The following LDLRAD4 variants were observed in gnomAD, a reference collection of about 807,000 sequenced individuals.
The protein encoded by LDLRAD4 is low density lipoprotein receptor class A domain containing 4.
LDLRAD4 carries 5 observed loss-of-function variants against 17.0 expected under a neutral mutation model. The observed-to-expected ratio is 0.29, with a 90% CI of 0.15 to 0.62. The LOEUF (loss-of-function observed/expected upper bound fraction) is 0.62. Ranked by LOEUF, LDLRAD4 falls within the 20% of genes least tolerant of loss-of-function variation. LDLRAD4 has a pLI of 0.84. For synonymous variants in LDLRAD4, 168 were observed against 171.8 expected (o/e 0.98, Z 0.17); for missense variants, 340 against 424.7 (o/e 0.80, Z 1.75).
At chr18:13,294,203 C>T (rs1177993696) in intron 1 of LDLRAD4, among the ~76,000 whole-genome samples, 1 of 152,214 alleles carries the variant, frequency 6.6e-6, no homozygotes, top group African/African-American at 2.4e-5. Context: ...AAGTTTAACT[C>T]TGTAAAGTAA....
At position 13,530,375 on chromosome 18, in the gene LDLRAD4, A is replaced by G. The variant is rs572587295; in HGVS notation, c.182-90742A>G. Among the ~76,000 whole-genome samples, 19 of 152,320 alleles carry G rather than the reference A, an allele frequency of 1.2e-4. No homozygotes were observed. The South Asian group carries it at 2.9e-3, about 23-fold the overall frequency. On this transcript the variant is annotated intron_variant, in intron 3 of 5. Transcript: ENST00000359446. ...CTGAATGCCACAGCTGTTAATGGAC[A>G]GTCTTAGAGGAGATGATGGGGTCAT...
chr18:13,227,933 C>G (rs2041891519), intron 1 of LDLRAD4, among the ~76,000 whole-genome samples: 1 of 152,226 alleles, frequency 6.6e-6, no homozygotes, highest in Non-Finnish European at 1.5e-5. Flanking sequence ...CGTATCAGCA[C>G]AGTTCTGTGT....
intron 3 of LDLRAD4, among the ~76,000 whole-genome samples, chr18:13,480,326 C>G (rs574111576): frequency 6.6e-6 from 1 of 152,160 alleles, no homozygotes; most frequent in African/African-American, 2.4e-5. Flanking sequence ...CTGAAAGCTA[C>G]GTACAGTGTG....
chr18:13,387,733 C>A (rs530289864), exon 2 of LDLRAD4: 1 of 1,614,018 alleles, frequency 6.2e-7, no homozygotes, highest in South Asian at 1.1e-5. Flanking sequence ...ATGCCGGAAG[C>A]TGGTTTTCAG....
rs1450385289 is a variant in LDLRAD4 at position 13,345,930 on chromosome 18, TTCA to T, written c.-382-41406_-382-41404del. 2.0e-5 allele frequency among the ~76,000 whole-genome samples: 3 copies of T among 152,206 alleles called. No homozygotes were observed. In the East Asian group the frequency reaches 5.8e-4, roughly 29 times the overall value. On this transcript the variant is annotated intron_variant, in intron 1 of 5. Transcript: ENST00000359446. ...CTGGGGGTTCAATGGTGATATCCCCTTCATCATTTTTTATTGCCATCTATTTGA... is the reference window on the plus strand; with the variant it reads ...CTGGGGGTTCAATGGTGATATCCCCTTCATTTTTTATTGCCATCTATTTGA...
chr18:13,422,065 G>A (rs765439877), intron 2 of LDLRAD4, among the ~76,000 whole-genome samples: 1 of 152,184 alleles, frequency 6.6e-6, no homozygotes, highest in Non-Finnish European at 1.5e-5. Flanking sequence ...TGTTGTGAGG[G>A]GTCAGTTACC....
intron 2 of LDLRAD4, among the ~76,000 whole-genome samples, chr18:13,392,224 G>A (rs2086328973): frequency 6.6e-6 from 1 of 152,258 alleles, no homozygotes; most frequent in Non-Finnish European, 1.5e-5. Context: ...CGGTTCAGCT[G>A]TGCGTGGAGC....
rs1041603161 is a variant in LDLRAD4, at chr18:13,503,202, G to A, written c.181+64818G>A. On this transcript the variant is annotated intron_variant, in intron 3 of 5. Coordinates refer to ENST00000359446, the Ensembl canonical transcript of LDLRAD4. ...TTTAACGTTTTAAGCTTTCCTCCAG[G>A]GTTTTTTCCTCAGTTACATGGAGGA... is the stretch of plus-strand genomic sequence containing the variant. Among the ~76,000 whole-genome samples the A allele has an allele frequency of 3.9e-5, 6 of 152,340 alleles. No homozygotes were observed. In the East Asian group the frequency reaches 1.2e-3, roughly 29 times the overall value.
At chr18:13,445,415 A>T (rs1026398662) in intron 3 of LDLRAD4, among the ~76,000 whole-genome samples, 1 of 151,982 alleles carries the variant, frequency 6.6e-6, no homozygotes, top group Middle Eastern at 3.4e-3. Flanking sequence ...TGGTGTGTGC[A>T]TGCATGCGTG....
intron 1 of LDLRAD4, among the ~76,000 whole-genome samples, chr18:13,328,742 CA>C (rs1266435889): frequency 1.3e-5 from 2 of 152,228 alleles, no homozygotes; most frequent in African/African-American, 4.8e-5. Context: ...TCAAGCAGCT[CA>C]AAAAACATAT....
At chr18:13,502,540 A>G (rs543233175) in intron 3 of LDLRAD4, among the ~76,000 whole-genome samples, 1 of 152,348 alleles carries the variant, frequency 6.6e-6, no homozygotes, top group African/African-American at 2.4e-5. Context: ...ACTGTCTAGT[A>G]AATTCTTAAT....
intron 1 of LDLRAD4, among the ~76,000 whole-genome samples, chr18:13,263,639 C>A (rs1682621804): frequency 6.6e-6 from 1 of 152,172 alleles, no homozygotes; most frequent in South Asian, 2.1e-4. Flanking sequence ...CCTCCTGTGC[C>A]CGAATTTCTC....
chr18:13,540,186 T>G (rs1467152536), intron 3 of LDLRAD4, among the ~76,000 whole-genome samples: 2 of 152,266 alleles, frequency 1.3e-5, no homozygotes, highest in Admixed American at 6.5e-5. Flanking sequence ...TATCTGTGTT[T>G]GTCTTTTTTA....
At chr18:13,502,050 G>GTA (rs2093623092) in intron 3 of LDLRAD4, among the ~76,000 whole-genome samples, 1 of 152,234 alleles carries the variant, frequency 6.6e-6, no homozygotes, top group Non-Finnish European at 1.5e-5. Flanking sequence ...GACATCTTGT[G>GTA]TAACGCTGCA....
intron 1 of LDLRAD4, among the ~76,000 whole-genome samples, chr18:13,379,943 G>T (rs1366615005): frequency 7.0e-6 from 1 of 143,472 alleles, no homozygotes. Context: ...GAGATCCCTG[G>T]GTGTGGAGGA....
intron 1 of LDLRAD4, among the ~76,000 whole-genome samples, chr18:13,253,678 A>AT (rs573674329): frequency 4.4e-4 from 67 of 152,044 alleles, no homozygotes; most frequent in Admixed American, 3.7e-3. Context: ...ATTCGGAATA[A>AT]TTTTTTTTGA....
chr18:13,489,564 G>A (rs989623247), intron 3 of LDLRAD4: 3 of 152,334 alleles, frequency 2.0e-5, no homozygotes, highest in Non-Finnish European at 4.4e-5. Flanking sequence ...GTGAGACCTA[G>A]CTCAAATCCA....
At chr18:13,618,903 C>G (rs997036896) in intron 3 of LDLRAD4, among the ~76,000 whole-genome samples, 2 of 152,246 alleles carry the variant, frequency 1.3e-5, no homozygotes, top group African/African-American at 4.8e-5. Context: ...AGCGGAGTCT[C>G]TCTGCTTCCT....
intron 2 of LDLRAD4, among the ~76,000 whole-genome samples, chr18:13,405,765 G>A (rs2087682086): frequency 6.6e-6 from 1 of 152,034 alleles, no homozygotes. Context: ...TTCACCATTG[G>A]AATTGGAAGC....
Sources: gnomAD v4.1 joint callset for allele counts (sites outside exome capture counted in the v4.1 genomes callset) on GRCh38, gnomAD v4.1.1 for gene constraint, MANE v1.5 for transcripts, NCBI Gene and HGNC (gene_info 2026-07-23, HGNC 2026-07-21) for gene names.